The following C5 variants were observed in gnomAD, a reference collection of about 807,000 sequenced individuals.
C5 encodes C3 and PZP-like alpha-2-macroglobulin domain-containing protein 4.
A neutral mutation model predicts 218.8 loss-of-function variants in C5; 140 were observed. That is an observed-to-expected ratio of 0.64 (90% CI 0.56 to 0.74). The LOEUF (loss-of-function observed/expected upper bound fraction) is 0.74. Ranked by LOEUF, C5 falls within the 30% of genes least tolerant of loss-of-function variation. The probability of loss-of-function intolerance (pLI) is 0.00; values close to 1 mark genes in which losing one functional copy is unlikely to be tolerated. For synonymous variants in C5, 614 were observed against 682.3 expected (o/e 0.90, Z 1.56); for missense variants, 1,700 against 1,969.6 (o/e 0.86, Z 2.59).
chr9:120,988,777 C>G (rs2047053451), intron 25 of C5, among the ~76,000 whole-genome samples: 1 of 152,094 alleles, frequency 6.6e-6, no homozygotes, highest in South Asian at 2.1e-4. Flanking sequence ...ACCCAGAAGA[C>G]TAAGGGAGAC....
At chr9:121,046,826 G>A (rs9644911) in intron 1 of C5, among the ~76,000 whole-genome samples, 112,729 of 151,876 alleles carry the variant, frequency 0.74, 42,288 homozygotes, top group East Asian at 0.96. Flanking sequence ...GAAAATAATC[G>A]CCTTCTTTAC....
rs1228834948 is a variant in C5, at chr9:121,046,199, T to C, written c.250A>G (p.Ile84Val). 1.3e-6 allele frequency: 2 copies of C among 1,562,388 alleles called. No individual in the cohort carries two copies. Among genetic ancestry groups the C allele is most frequent in the Non-Finnish European group, 1.8e-6 (2 of 1,136,256 alleles). Residue 84 changes from isoleucine to valine, a missense_variant, in exon 2 of 41, where the codon ATC (isoleucine) becomes GTC (valine). By Grantham distance (29) the Ile-to-Val change is conservative (BLOSUM62 3). Transcript: ENST00000223642. Reference sequence around the variant, plus strand: ...AAAGGATAAATACATACTGTTAAGATTGCAGAGTTTTGGAATTTATTCTCT... The same window carrying C: ...AAAGGATAAATACATACTGTTAAGACTGCAGAGTTTTGGAATTTATTCTCT... The part of the protein sequence containing the change: ...SSENKFQNSA[I>V]LTIQPKQLPG...
intron 2 of C5, 136 bp from the exon 3 acceptor site, chr9:121,043,302 A>G: frequency 9.4e-6 from 7 of 747,340 alleles, no homozygotes; most frequent in Non-Finnish European, 1.5e-5. Flanking sequence ...TACAGGAGCA[A>G]GAAGAGTAAA....
Position 120,982,830 on chromosome 9 carries a change from A to C in C5, c.3231-16T>G, listed in dbSNP as rs1350309404. 1.8e-5 allele frequency: 26 copies of C among 1,421,694 alleles called. No homozygotes were observed. The highest frequency in any genetic ancestry group is 2.6e-5 in the Non-Finnish European group (26 of 1,014,412). 88.1% of individuals were successfully genotyped at this position (1,421,694 alleles called of 1,614,324 possible). ...AGCTGTTAACCTTTAAGACAAAATC[A>C]AATAAATAAATATTTAGAACGCTGA... On this transcript the variant is annotated splice_polypyrimidine_tract_variant and intron_variant, in intron 25 of 40. Transcript: ENST00000223642.
the C5 span, among the ~76,000 whole-genome samples, chr9:121,073,854 G>A: frequency 4.6e-5 from 7 of 152,096 alleles, no homozygotes; most frequent in African/African-American, 9.7e-5. Flanking sequence ...TGTAGGAAGT[G>A]TTAATAGGTA....
At chr9:121,053,490 C>A (rs1034592338), upstream of C5, among the ~76,000 whole-genome samples, 4 of 152,054 alleles carry the variant, frequency 2.6e-5, no homozygotes, top group East Asian at 3.9e-4. Context: ...TAGAACCCCC[C>A]CCGAGATAGT....
chr9:121,068,451 A>G, the C5 span, among the ~76,000 whole-genome samples: 1 of 152,218 alleles, frequency 6.6e-6, no homozygotes, highest in African/African-American at 2.4e-5. Context: ...AAGGAAAACT[A>G]CAAAACACTG....
At chr9:120,985,770 T>A (rs1419470147) in intron 25 of C5, among the ~76,000 whole-genome samples, 2 of 152,192 alleles carry the variant, frequency 1.3e-5, no homozygotes, top group Non-Finnish European at 2.9e-5. Context: ...AACCCATCAC[T>A]TCATTTTGGA....
chr9:120,959,940 C>A (rs1415608960), intron 38 of C5, among the ~76,000 whole-genome samples: 1 of 152,150 alleles, frequency 6.6e-6, no homozygotes, highest in Non-Finnish European at 1.5e-5. Flanking sequence ...AATCTTATAC[C>A]TCTGTGGCTT....
At chr9:121,057,884 T>C in the C5 span, among the ~76,000 whole-genome samples, 2 of 152,342 alleles carry the variant, frequency 1.3e-5, no homozygotes, top group Admixed American at 6.5e-5. Flanking sequence ...GTAGATTCCG[T>C]GTAACCTACT....
At chr9:121,041,982 C>T (rs2047585440) in intron 3 of C5, among the ~76,000 whole-genome samples, 1 of 152,112 alleles carries the variant, frequency 6.6e-6, no homozygotes, top group African/African-American at 2.4e-5. Flanking sequence ...CCAGTTCCAC[C>T]CCACTATTCT....
At chr9:121,044,999 G>C (rs988703286) in intron 2 of C5, among the ~76,000 whole-genome samples, 58 of 149,130 alleles carry the variant, frequency 3.9e-4, no homozygotes, top group African/African-American at 1.4e-3. Flanking sequence ...GCCTAGGCTG[G>C]AGTGCAGTGG....
rs1564146579 is a variant in C5 at position 121,002,270 on chromosome 9, A to ATATGTGTGTGTGTGTGTG, written c.2562+3648_2562+3649insCACACACACACACACATA. 2.4e-5 allele frequency among the ~76,000 whole-genome samples: 3 copies of ATATGTGTGTGTGTGTGTG among 123,312 alleles called. 1 individual carries two copies. Among genetic ancestry groups the ATATGTGTGTGTGTGTGTG allele is most frequent in the South Asian group, 2.9e-4 (1 of 3,458 alleles). The allele number at this position is 123,312 out of a possible 152,430, so 80.9% of individuals were successfully genotyped here. On this transcript the variant is annotated intron_variant, in intron 20 of 40. Transcript: ENST00000223642. ...TATATATATGTATATATGTATATAT[A>ATATGTGTGTGTGTGTGTG]TGTATATATACGTATATATGTATAT...
intron 3 of C5, among the ~76,000 whole-genome samples, chr9:121,041,754 T>C (rs1459049076): frequency 6.6e-6 from 1 of 151,866 alleles, no homozygotes. Context: ...AGAGAGATGA[T>C]ATGCTTGTTT....
chr9:120,988,669 G>A (rs2047052490), intron 25 of C5, among the ~76,000 whole-genome samples: 1 of 152,186 alleles, frequency 6.6e-6, no homozygotes, highest in Non-Finnish European at 1.5e-5. Context: ...AAGATGGGAA[G>A]CTCCTAAATG....
intron 38 of C5, among the ~76,000 whole-genome samples, chr9:120,958,799 CTG>C (rs982683720): frequency 2.6e-5 from 4 of 151,976 alleles, no homozygotes; most frequent in African/African-American, 9.7e-5. Flanking sequence ...TGATAATACT[CTG>C]TTACATTTTT....
At chr9:121,070,784 G>C in the C5 span, among the ~76,000 whole-genome samples, 1 of 152,034 alleles carries the variant, frequency 6.6e-6, no homozygotes, top group Non-Finnish European at 1.5e-5. Flanking sequence ...ATTATAGCTA[G>C]ATAGGAGCAA....
chr9:121,021,627 ATTGT>A lies in C5; in HGVS notation c.1180_1183del (p.Thr394LeufsTer3), dbSNP rs2131773916. 6.2e-7 allele frequency: 1 copy of A among 1,613,918 alleles called. No homozygotes were observed. The highest frequency in any genetic ancestry group is 8.5e-7 in the Non-Finnish European group (1 of 1,179,826). On this transcript the variant is annotated frameshift_variant, in exon 11 of 41. Transcript: ENST00000223642. LOFTEE classifies it high-confidence loss of function. The stretch of plus-strand genomic sequence containing the variant: ...GTCAGATGTCTCTTGGTTTACATCA[ATTGT>A]TTGTGCATTCAGTGTTACTGGGACT...
chr9:120,993,372 T>A (rs1325005339), intron 22 of C5, among the ~76,000 whole-genome samples: 2 of 152,232 alleles, frequency 1.3e-5, no homozygotes, highest in African/African-American at 4.8e-5. Flanking sequence ...GAACATGCTC[T>A]GAAATTCTAT....
Sources: gnomAD v4.1 joint callset for allele counts (sites outside exome capture counted in the v4.1 genomes callset) on GRCh38, gnomAD v4.1.1 for gene constraint, MANE v1.5 for transcripts, NCBI Gene and HGNC (gene_info 2026-07-23, HGNC 2026-07-21) for gene names.